Variants in CALCR observed in about 807,000 individuals in gnomAD.
CALCR encodes the protein calcitonin receptor.
CALCR carries 47 observed loss-of-function variants against 59.5 expected under a neutral mutation model. The ratio of observed to expected loss-of-function variants is 0.79; its 90% CI spans 0.63 to 1.01. The LOEUF is 1.01. Among genes scored for constraint, CALCR ranks in the 50% least tolerant of loss-of-function variants. CALCR has a pLI of 0.00. For missense variants in CALCR, 566 were observed against 597.1 expected (o/e 0.95, Z 0.54); for synonymous variants, 213 against 211.3 (o/e 1.01, Z -0.07).
intron 8 of CALCR, among the ~76,000 whole-genome samples, chr7:93,453,319 T>G (rs1433974784): frequency 1.3e-5 from 2 of 152,078 alleles, no homozygotes; most frequent in African/African-American, 4.8e-5. Context: ...ATCTCCATTT[T>G]ATACATTAGG....
intron 2 of CALCR, among the ~76,000 whole-genome samples, chr7:93,507,735 G>A (rs1369755627): frequency 1.4e-5 from 2 of 139,906 alleles, no homozygotes; most frequent in East Asian, 2.1e-4. Flanking sequence ...GTGAAACCCC[G>A]TCTCTACTAA....
At chr7:93,443,557 A>T (rs199836961) in intron 9 of CALCR, 47 bp downstream of exon 9, 2 of 1,571,012 alleles carry the variant, frequency 1.3e-6, no homozygotes, top group Non-Finnish European at 1.7e-6. Context: ...GAAAGCATAC[A>T]GACAGAGGTG....
chr7:93,508,465 T>C (rs1221004161), intron 2 of CALCR, among the ~76,000 whole-genome samples: 1 of 152,318 alleles, frequency 6.6e-6, no homozygotes, highest in South Asian at 2.1e-4. Context: ...AGAATTACTT[T>C]TATATGCAGT....
chr7:93,481,680 T>C (rs1401085302), intron 3 of CALCR, among the ~76,000 whole-genome samples: 1 of 151,874 alleles, frequency 6.6e-6, no homozygotes, highest in Non-Finnish European at 1.5e-5. Context: ...ATCATTATTA[T>C]AACATTACTG....
chr7:93,544,807 C>T (rs1789241303), intron 2 of CALCR, among the ~76,000 whole-genome samples: 4 of 152,080 alleles, frequency 2.6e-5, no homozygotes, highest in African/African-American at 9.7e-5. Context: ...GCAAATCTTC[C>T]CACAGCTTTC....
intron 2 of CALCR, among the ~76,000 whole-genome samples, chr7:93,488,881 C>G (rs2115942028): frequency 6.6e-6 from 1 of 151,918 alleles, no homozygotes; most frequent in South Asian, 2.1e-4. Flanking sequence ...CAAGGATATT[C>G]AGGGCTTGAA....
At chr7:93,456,447 C>A (rs1200650388) in intron 8 of CALCR, among the ~76,000 whole-genome samples, 2 of 150,276 alleles carry the variant, frequency 1.3e-5, no homozygotes, top group Non-Finnish European at 3.0e-5. Flanking sequence ...AAAAAAAAAA[C>A]AGTTTGAAAG....
intron 5 of CALCR, among the ~76,000 whole-genome samples, chr7:93,473,437 T>C (rs1027886844): frequency 1.3e-4 from 20 of 151,836 alleles, no homozygotes; most frequent in Admixed American, 4.0e-4. Flanking sequence ...CTCTTATTTC[T>C]GTGGCAATGT....
At chr7:93,456,840 C>A (rs1002816521) in intron 8 of CALCR, among the ~76,000 whole-genome samples, 2 of 152,102 alleles carry the variant, frequency 1.3e-5, no homozygotes, top group South Asian at 4.1e-4. Flanking sequence ...GTGAATCAAT[C>A]TCACTCCTCT....
At chr7:93,435,220 C>T (rs1449544051) in intron 12 of CALCR, among the ~76,000 whole-genome samples, 1 of 152,084 alleles carries the variant, frequency 6.6e-6, no homozygotes, top group Admixed American at 6.5e-5. Flanking sequence ...AGCACTGAAC[C>T]GTCATGAATG....
chr7:93,452,809 T>C (rs541169427), intron 8 of CALCR, among the ~76,000 whole-genome samples: 1 of 151,562 alleles, frequency 6.6e-6, no homozygotes, highest in East Asian at 2.0e-4. Flanking sequence ...AAGTGTAGGC[T>C]CTACACAATT....
At chr7:93,431,161 A>C (rs1799650770) in intron 13 of CALCR, among the ~76,000 whole-genome samples, 1 of 152,190 alleles carries the variant, frequency 6.6e-6, no homozygotes, top group Non-Finnish European at 1.5e-5. Context: ...AAGACACACA[A>C]ATGGCCTTGC....
At position 93,472,387 on chromosome 7, in the gene CALCR, A is replaced by G; in HGVS notation, c.417T>C (p.Pro139=). ...SNYTMCNAFT[P]EKLKNAYVLY... is the part of the protein sequence containing the mutation. Reference sequence around the variant, plus strand: ...AAAAAGAACCTACCTTCAGTTTCTCAGGAGTGAAAGCATTGCACATAGTAT... The same window carrying G: ...AAAAAGAACCTACCTTCAGTTTCTCGGGAGTGAAAGCATTGCACATAGTAT... The change falls in exon 6 of 14, where the codon CCT becomes CCC. Residue 139 remains proline (P), a synonymous_variant. Transcript: ENST00000426151. 1 of 1,594,692 alleles carries G rather than the reference A, an allele frequency of 6.3e-7. No homozygotes were observed. Among genetic ancestry groups the G allele is most frequent in the Non-Finnish European group, 8.6e-7 (1 of 1,164,734 alleles).
rs146863727 is a variant in CALCR at position 93,457,796 on chromosome 7, C to T, written c.648+3025G>A. 3.9e-3 allele frequency among the ~76,000 whole-genome samples: 587 copies of T among 152,202 alleles called. 2 individuals are homozygous for T. Among genetic ancestry groups the T allele is most frequent in the African/African-American group, 0.013 (538 of 41,534 alleles). On this transcript the variant is annotated intron_variant, in intron 8 of 13. Coordinates refer to ENST00000426151, the MANE Select transcript of CALCR (RefSeq NM_001742.4). Reference sequence around the variant, plus strand: ...AGTGGGCATGTCTGGTTATAGGCGGCGATCACTTCGGAATGGCTGAGCCCA... The same window carrying T: ...AGTGGGCATGTCTGGTTATAGGCGGTGATCACTTCGGAATGGCTGAGCCCA...
intron 7 of CALCR, among the ~76,000 whole-genome samples, chr7:93,463,409 T>G (rs1472999525): frequency 6.6e-6 from 1 of 151,942 alleles, no homozygotes; most frequent in Non-Finnish European, 1.5e-5. Context: ...TGAGTTTCTG[T>G]TTTTTGAAAG....
intron 2 of CALCR, among the ~76,000 whole-genome samples, chr7:93,516,031 A>C (rs978275306): frequency 7.2e-5 from 11 of 151,944 alleles, no homozygotes; most frequent in Admixed American, 6.6e-4. Flanking sequence ...CTTTTTAATG[A>C]TACATAAAAT....
intron 9 of CALCR, chr7:93,441,619 G>C (rs1799906737): frequency 2.3e-6 from 1 of 436,834 alleles, no homozygotes; most frequent in African/African-American, 2.1e-5. Context: ...GGACAGGAAA[G>C]AGCAGGAGAA....
intron 11 of CALCR, 107 bp from the exon 12 acceptor site, chr7:93,436,277 C>T (rs1799776626): frequency 1.1e-6 from 1 of 870,624 alleles, no homozygotes; most frequent in Non-Finnish European, 1.8e-6. Context: ...ATGTTACCTA[C>T]ATAGAACATG....
At chr7:93,428,184 T>G (rs537105147) in intron 13 of CALCR, among the ~76,000 whole-genome samples, 27 of 152,376 alleles carry the variant, frequency 1.8e-4, no homozygotes, top group African/African-American at 6.5e-4. Context: ...AAGTTTCAGC[T>G]GTTTATTGAG....
Sources: allele counts gnomAD v4.1 joint callset (sites outside exome capture counted in the v4.1 genomes callset), GRCh38; gene constraint gnomAD v4.1.1; transcripts MANE v1.5; gene names NCBI Gene and HGNC (gene_info 2026-07-23, HGNC 2026-07-21).